Variants in TLN2 observed in about 807,000 individuals in gnomAD.
The protein encoded by TLN2 is talin-2.
In TLN2, 118 loss-of-function variants were observed where a neutral mutation model predicts 294.7. The ratio of observed to expected loss-of-function variants is 0.40; its 90% confidence interval spans 0.34 to 0.47. The LOEUF (loss-of-function observed/expected upper bound fraction) is 0.47, where lower values mean the gene tolerates loss of function less well. TLN2 is among the 20% of genes least tolerant of loss of function. TLN2 has a pLI of 0.84. For synonymous variants in TLN2, 1,431 were observed against 1,304.5 expected (o/e 1.10, Z -2.09); for missense variants, 3,083 against 3,282.2 (o/e 0.94, Z 1.48).
intron 1 of TLN2, among the ~76,000 whole-genome samples, chr15:62,525,953 G>A (rs772360228): frequency 5.9e-5 from 9 of 152,182 alleles, no homozygotes; most frequent in South Asian, 2.1e-4. Context: ...AGGGAAGCTG[G>A]AAGAAGGGTA....
intron 30 of TLN2, among the ~76,000 whole-genome samples, chr15:62,738,592 A>G (rs1175464544): frequency 1.3e-5 from 2 of 152,168 alleles, no homozygotes; most frequent in Non-Finnish European, 2.9e-5. Flanking sequence ...GCAAAGGGGT[A>G]TGTGATCACC....
intron 21 of TLN2, among the ~76,000 whole-genome samples, chr15:62,711,138 G>A (rs8028040): frequency 0.84 from 127,570 of 152,170 alleles, 56,215 homozygotes; most frequent in Non-Finnish European, 0.97. Flanking sequence ...ATAGTGCTTC[G>A]GCATTCTTCT....
chr15:62,522,718 G>C (rs900723101), intron 1 of TLN2, among the ~76,000 whole-genome samples: 4 of 151,950 alleles, frequency 2.6e-5, no homozygotes, highest in Non-Finnish European at 4.4e-5. Context: ...GCCTTTTCTT[G>C]TTGTATTTTT....
intron 1 of TLN2, among the ~76,000 whole-genome samples, chr15:62,399,576 A>T (rs1311951201): frequency 6.6e-6 from 1 of 152,266 alleles, no homozygotes; most frequent in African/African-American, 2.4e-5. Flanking sequence ...ACAGGGGCGA[A>T]GCTGTCCAAG....
intron 2 of TLN2, among the ~76,000 whole-genome samples, chr15:62,613,057 T>C (rs574042767): frequency 6.6e-6 from 1 of 152,280 alleles, no homozygotes; most frequent in East Asian, 1.9e-4. Context: ...TGGGTTCAAA[T>C]CCTGACCCTA....
At chr15:62,530,503 C>T (rs572612163) in intron 1 of TLN2, among the ~76,000 whole-genome samples, 18 of 152,062 alleles carry the variant, frequency 1.2e-4, no homozygotes, top group South Asian at 4.2e-4. Context: ...ATTACAGGCA[C>T]GCGCCACCAT....
chr15:62,397,949 A>C (rs182704252), intron 1 of TLN2, among the ~76,000 whole-genome samples: 1 of 152,040 alleles, frequency 6.6e-6, no homozygotes, highest in Non-Finnish European at 1.5e-5. Flanking sequence ...TGATTTTTGT[A>C]ATCTTGATAG....
Position 62,840,825 on chromosome 15 carries a change from C to A in TLN2, c.*215C>A. 1 of 567,564 alleles carries A rather than the reference C, an allele frequency of 1.8e-6. No homozygotes were observed. Among genetic ancestry groups the A allele is most frequent in the Non-Finnish European group, 2.9e-6 (1 of 340,128 alleles). 35.2% of individuals were successfully genotyped at this position (567,564 alleles called of 1,614,324 possible). A position where few individuals can be genotyped will look rare whatever the true frequency, so the allele number is the denominator to read the frequency against. On this transcript the variant is annotated 3_prime_UTR_variant, in exon 59 of 59. Coordinates refer to ENST00000636159, the MANE Select transcript of TLN2 (RefSeq NM_015059.3). ...CAATGTCCTACCCACAACTCCTCTG[C>A]CGCCTCCCCTCATGCCTCACCGTGT... is the stretch of plus-strand genomic sequence containing the variant.
chr15:62,536,341 T>A (rs1394626765), intron 1 of TLN2, among the ~76,000 whole-genome samples: 1 of 152,136 alleles, frequency 6.6e-6, no homozygotes, highest in Non-Finnish European at 1.5e-5. Flanking sequence ...AGGTTAGAGG[T>A]CACAGGTCAC....
chr15:62,601,344 G>A (rs1332927445), intron 2 of TLN2, among the ~76,000 whole-genome samples: 1 of 152,150 alleles, frequency 6.6e-6, no homozygotes, highest in African/African-American at 2.4e-5. Flanking sequence ...CCCCACTGTA[G>A]TTTTTTGTTC....
chr15:62,720,245 T>C (rs938825110), intron 25 of TLN2, among the ~76,000 whole-genome samples: 3 of 152,248 alleles, frequency 2.0e-5, no homozygotes, highest in Admixed American at 2.0e-4. Context: ...CCATTGTTCA[T>C]GGACCGGGAA....
intron 1 of TLN2, among the ~76,000 whole-genome samples, chr15:62,422,076 C>G (rs932343816): frequency 2.6e-5 from 4 of 151,970 alleles, no homozygotes; most frequent in Middle Eastern, 3.4e-3. Context: ...GCCTGACTAA[C>G]ATGGTGAAAC....
At chr15:62,732,812 G>C (rs1275155253) in intron 28 of TLN2, among the ~76,000 whole-genome samples, 1 of 152,194 alleles carries the variant, frequency 6.6e-6, no homozygotes, top group African/African-American at 2.4e-5. Flanking sequence ...CCTTATAGCT[G>C]AGTGAAGAGT....
At chr15:62,586,413 A>G (rs2045617713) in intron 1 of TLN2, among the ~76,000 whole-genome samples, 1 of 152,230 alleles carries the variant, frequency 6.6e-6, no homozygotes, top group Non-Finnish European at 1.5e-5. Flanking sequence ...TGTACTTTAT[A>G]TCCAACATAT....
chr15:62,561,363 G>A (rs2042942216), intron 1 of TLN2: 1 of 152,252 alleles, frequency 6.6e-6, no homozygotes, highest in African/African-American at 2.4e-5. Context: ...CAGCGGGTGT[G>A]TCTTCATTTC....
intron 34 of TLN2, among the ~76,000 whole-genome samples, chr15:62,751,272 G>A (rs1348952133): frequency 2.0e-5 from 3 of 152,174 alleles, no homozygotes; most frequent in Non-Finnish European, 4.4e-5. Flanking sequence ...GTTGCAATCT[G>A]GCTTTGTAGC....
intron 37 of TLN2, among the ~76,000 whole-genome samples, chr15:62,758,035 A>G (rs1241713071): frequency 6.6e-6 from 1 of 152,232 alleles, no homozygotes; most frequent in Admixed American, 6.5e-5. Flanking sequence ...TCAGTGCTTA[A>G]GACAGGTGCC....
chr15:62,825,795 T>TAATATATATTATATA (rs1567687008), intron 54 of TLN2, among the ~76,000 whole-genome samples: 89 of 6,542 alleles, frequency 0.014, 1 homozygote, highest in Non-Finnish European at 0.036. Context: ...TATATTATAA[T>TAATATATATTATATA]ATATATTATA....
rs200020059 is a variant in TLN2, at chr15:62,819,607, C to T, written c.6863C>T (p.Ala2288Val). The T allele has an allele frequency of 2.4e-5, 38 of 1,610,844 alleles. No individual in the cohort carries two copies. Among genetic ancestry groups the T allele is most frequent in the Middle Eastern group, 1.6e-4 (1 of 6,062 alleles). Reference protein sequence around the residue: ...AGAVTELIQAAEAMKGTEWVD... With the variant: ...AGAVTELIQAVEAMKGTEWVD... The stretch of plus-strand genomic sequence containing the variant: ...GCTGTGACAGAGCTCATCCAGGCGG[C>T]GGAAGCCATGAAAGGTAGGCTGGAT... The change falls in exon 53 of 59, where the codon GCG becomes GTG. Residue 2288 changes from alanine to valine, a missense_variant. By Grantham distance (64) the Ala-to-Val change is moderately conservative. Coordinates refer to ENST00000636159, the MANE Select transcript of TLN2 (RefSeq NM_015059.3).
Sources: gnomAD v4.1 joint callset for allele counts (sites outside exome capture counted in the v4.1 genomes callset) on GRCh38, gnomAD v4.1.1 for gene constraint, MANE v1.5 for transcripts, NCBI Gene and HGNC (gene_info 2026-07-23, HGNC 2026-07-21) for gene names.